The following PRIMA1 variants were observed in gnomAD, a reference collection of about 807,000 sequenced individuals.
The protein encoded by PRIMA1 is proline-rich membrane anchor 1.
PRIMA1 carries 7 observed loss-of-function variants against 17.5 expected under a neutral mutation model. The ratio of observed to expected loss-of-function variants is 0.40; its 90% CI spans 0.23 to 0.75. The LOEUF (loss-of-function observed/expected upper bound fraction) is 0.75, where lower values mean the gene tolerates loss of function less well. PRIMA1 is among the 30% of genes least tolerant of loss of function. The pLI is 0.37. For missense variants in PRIMA1, 200 were observed against 201.8 expected, an observed-to-expected ratio of 0.99 and a Z score of 0.05; for synonymous variants, 97 against 77.9, an observed-to-expected ratio of 1.25 and a Z score of -1.29.
At chr14:93,762,991 T>A (rs1193074532) in intron 3 of PRIMA1, among the ~76,000 whole-genome samples, 1 of 152,132 alleles carries the variant, frequency 6.6e-6, no homozygotes, top group Non-Finnish European at 1.5e-5. Context: ...TCTCTTCAGA[T>A]TGCCACCTGA....
chr14:93,748,073 T>C (rs1176748325), intron 3 of PRIMA1, among the ~76,000 whole-genome samples: 3 of 151,182 alleles, frequency 2.0e-5, no homozygotes, highest in African/African-American at 4.9e-5. Context: ...TGTGAATGTG[T>C]ATGTGTGTGA....
At chr14:93,732,682 C>T (rs2076122624) in intron 4 of PRIMA1, among the ~76,000 whole-genome samples, 1 of 152,242 alleles carries the variant, frequency 6.6e-6, no homozygotes, top group African/African-American at 2.4e-5. Context: ...GTCCAAGAGG[C>T]TGAATGCCTG....
At chr14:93,758,725 C>T (rs1477221650) in intron 3 of PRIMA1, among the ~76,000 whole-genome samples, 3 of 152,110 alleles carry the variant, frequency 2.0e-5, no homozygotes, top group South Asian at 2.1e-4. Context: ...TGTCAGTAGC[C>T]ACCAATGTGG....
chr14:93,739,141 C>G (rs987912178), intron 3 of PRIMA1, among the ~76,000 whole-genome samples: 1 of 152,088 alleles, frequency 6.6e-6, no homozygotes, highest in Non-Finnish European at 1.5e-5. Context: ...CAACCTCTGC[C>G]TCCTCGGTTC....
upstream of PRIMA1, among the ~76,000 whole-genome samples, chr14:93,788,700 G>A (rs529406928): frequency 2.0e-5 from 3 of 152,064 alleles, no homozygotes; most frequent in East Asian, 5.8e-4. Context: ...CGCACGGGGC[G>A]CAGGGCGCGG....
intron 3 of PRIMA1, among the ~76,000 whole-genome samples, chr14:93,746,402 G>A (rs193167073): frequency 1.5e-4 from 23 of 152,234 alleles, no homozygotes; most frequent in African/African-American, 5.3e-4. Context: ...GCAAAGACTG[G>A]AATTCGGCAG....
intron 3 of PRIMA1, among the ~76,000 whole-genome samples, chr14:93,752,793 G>A (rs1013978816): frequency 1.3e-5 from 2 of 152,150 alleles, no homozygotes; most frequent in Admixed American, 6.6e-5. Flanking sequence ...CACTGTCATC[G>A]AAGCCCTTTG....
chr14:93,765,227 T>A (rs1884852131), intron 3 of PRIMA1, among the ~76,000 whole-genome samples: 2 of 151,950 alleles, frequency 1.3e-5, no homozygotes, highest in African/African-American at 4.8e-5. Flanking sequence ...GCCCCCTCCC[T>A]ACTTCCTTTC....
intron 4 of PRIMA1, among the ~76,000 whole-genome samples, chr14:93,728,851 C>T (rs1200537360): frequency 2.0e-5 from 3 of 152,328 alleles, no homozygotes; most frequent in South Asian, 4.1e-4. Context: ...ATGAAGCAGG[C>T]TCGTCCCTGC....
At chr14:93,763,639 T>G (rs1470245168) in intron 3 of PRIMA1, among the ~76,000 whole-genome samples, 1 of 151,986 alleles carries the variant, frequency 6.6e-6, no homozygotes, top group East Asian at 1.9e-4. Flanking sequence ...TAAGGGGCAG[T>G]GGGGGTGGAT....
intron 4 of PRIMA1, among the ~76,000 whole-genome samples, chr14:93,736,579 C>T (rs2076151727): frequency 6.6e-6 from 1 of 152,246 alleles, no homozygotes; most frequent in African/African-American, 2.4e-5. Context: ...CGGGCCCTGC[C>T]GCCAGGTGTC....
chr14:93,747,868 TG>T (rs1380731413), intron 3 of PRIMA1, among the ~76,000 whole-genome samples: 2 of 143,944 alleles, frequency 1.4e-5, no homozygotes, highest in Admixed American at 6.9e-5. Flanking sequence ...TGTGTGTGAG[TG>T]GGGACTGAGT....
chr14:93,742,391 G>T (rs1331954091), intron 3 of PRIMA1, among the ~76,000 whole-genome samples: 2 of 152,246 alleles, frequency 1.3e-5, no homozygotes, highest in East Asian at 3.9e-4. Context: ...GGGGAACTCT[G>T]AGAAGAGTAG....
intron 1 of PRIMA1, 160 bp from the exon 2 acceptor site, chr14:93,787,909 T>C: frequency 1.3e-6 from 1 of 776,080 alleles, no homozygotes; most frequent in South Asian, 1.9e-5. Context: ...ACACCTTCAC[T>C]GACTCTTCGT....
chr14:93,726,852 TATGCACACATACACATATGTGCACATGC>T lies in PRIMA1; in HGVS notation c.360-5334_360-5307del, dbSNP rs1330047458. On this transcript the variant is annotated intron_variant, in intron 4 of 4. Coordinates refer to ENST00000393140, the MANE Select transcript of PRIMA1 (RefSeq NM_178013.4). The surrounding 1 kb of genome is among the most constrained non-coding windows in gnomAD (Gnocchi z 4.2). Reference sequence around the variant, plus strand: ...ACATACACACATGTCCCTACACACATATGCACACATACACATATGTGCACATGCATGCACACATACATATGAATACACA... The same window carrying T: ...ACATACACACATGTCCCTACACACATATGCACACATACATATGAATACACA... 6.6e-6 allele frequency among the ~76,000 whole-genome samples: 1 copy of T among 152,080 alleles called. No homozygotes were observed. The highest frequency in any genetic ancestry group is 1.5e-5 in the Non-Finnish European group (1 of 68,000).
intron 4 of PRIMA1, among the ~76,000 whole-genome samples, chr14:93,734,732 C>T (rs1040471660): frequency 1.1e-4 from 17 of 152,102 alleles, no homozygotes; most frequent in African/African-American, 4.1e-4. Context: ...AAGCCCCGCC[C>T]ACGCCCTGGT....
chr14:93,744,987 C>T (rs8019730), intron 3 of PRIMA1, among the ~76,000 whole-genome samples: 115,998 of 151,488 alleles, frequency 0.77, 46,446 homozygotes, highest in Middle Eastern at 0.9. Context: ...GTAGCCTAAA[C>T]GGGTCTCTTG....
intron 2 of PRIMA1, among the ~76,000 whole-genome samples, chr14:93,782,055 CAGG>C (rs1040130163): frequency 5.3e-5 from 8 of 152,122 alleles, no homozygotes; most frequent in Non-Finnish European, 1.0e-4. Context: ...ATCACGAGGT[CAGG>C]AGATCGAGAC....
chr14:93,786,411 C>T (rs756948895), intron 2 of PRIMA1, among the ~76,000 whole-genome samples: 2 of 152,166 alleles, frequency 1.3e-5, no homozygotes, highest in Non-Finnish European at 2.9e-5. Flanking sequence ...ACCTGGCTAT[C>T]GATGGGCAGT....
Sources: gnomAD v4.1 joint callset for allele counts (sites outside exome capture counted in the v4.1 genomes callset) on GRCh38, gnomAD v4.1.1 for gene constraint, Gnocchi (gnomAD v3.1) non-coding constraint, MANE v1.5 for transcripts, NCBI Gene and HGNC (gene_info 2026-07-23, HGNC 2026-07-21) for gene names.